The following CTCFL variants were observed in gnomAD, a reference collection of about 807,000 sequenced individuals.
CTCFL encodes the protein transcriptional repressor CTCFL.
A neutral mutation model predicts 67.4 loss-of-function variants in CTCFL; 36 were observed. The observed-to-expected ratio is 0.53, with a 90% CI of 0.41 to 0.71. The LOEUF (loss-of-function observed/expected upper bound fraction) is 0.71, where lower values mean the gene tolerates loss of function less well. Ranked by LOEUF, CTCFL falls within the 30% of genes least tolerant of loss-of-function variation. The pLI is 0.00. For synonymous variants in CTCFL, 324 were observed against 302.3 expected (o/e 1.07, Z -0.75); for missense variants, 786 against 835.2 (o/e 0.94, Z 0.73).
intron 10 of CTCFL, among the ~76,000 whole-genome samples, chr20:57,499,356 T>C (rs1280374884): frequency 6.6e-6 from 1 of 152,152 alleles, no homozygotes; most frequent in African/African-American, 2.4e-5. Context: ...GCCAGGCGTG[T>C]ATCCATAACC....
intron 9 of CTCFL, chr20:57,506,990 A>G: frequency 2.0e-6 from 2 of 984,606 alleles, no homozygotes; most frequent in Non-Finnish European, 2.4e-6. Flanking sequence ...TTAAAAAAAT[A>G]GTCAACTTCA....
rs753116407 is a variant in CTCFL, at chr20:57,519,168, C to T, written c.925+39G>A. The T allele has an allele frequency of 1.8e-5, 28 of 1,598,870 alleles. No homozygotes were observed. In the South Asian group the frequency reaches 2.3e-4, roughly 13 times the overall value. ...CACATTCTTAACATAAGCCTTAACA[C>T]ACATCATTCCAGAGAAACAGCCTTC... On this transcript the variant is annotated intron_variant, in intron 4 of 10. Transcript: ENST00000243914.
At chr20:57,518,406 G>C (rs2069087430) in intron 5 of CTCFL, 2 of 765,768 alleles carry the variant, frequency 2.6e-6, no homozygotes, top group African/African-American at 1.8e-5. Context: ...ATTGAGATTG[G>C]ATCTGCATTC....
At chr20:57,508,577 G>C (rs765522244) in intron 9 of CTCFL, 29 bp downstream of exon 9, 2 of 1,605,462 alleles carry the variant, frequency 1.2e-6, no homozygotes, top group South Asian at 2.2e-5. Context: ...CTTTCCATGG[G>C]GGATTTACTG....
At position 57,519,321 on chromosome 20, in the gene CTCFL, T is replaced by C. The variant is rs1201979229; in HGVS notation, c.811A>G (p.Ser271Gly). ...TGAGTTTTCATATGACGATTAAAAC[T>C]TGACATTCTAGAAGAGGTGAACATG... ...VCMFTSSRMS[S>G]FNRHMKTHTS... The change falls in exon 4 of 11, where the codon AGT becomes GGT. Residue 271 changes from serine (S) to glycine (G), a missense_variant. This residue lies in a region of CTCFL where 254 missense variants were observed against 333.9 expected (regional missense o/e 0.76). Transcript: ENST00000243914. 1.9e-6 allele frequency: 3 copies of C among 1,614,196 alleles called. No individual in the cohort carries two copies. The highest frequency in any genetic ancestry group is 2.2e-5 in the East Asian group (1 of 44,894).
At chr20:57,516,949 G>C (rs2068966636) in intron 5 of CTCFL, among the ~76,000 whole-genome samples, 1 of 152,178 alleles carries the variant, frequency 6.6e-6, no homozygotes, top group Non-Finnish European at 1.5e-5. Flanking sequence ...ACAGACATCA[G>C]GAAGCTGCAT....
chr20:57,498,759 T>C, intron 10 of CTCFL, 58 bp from the exon 11 acceptor site: 1 of 1,488,578 alleles, frequency 6.7e-7, no homozygotes, highest in Non-Finnish European at 9.2e-7. Flanking sequence ...TTGGAATTTA[T>C]AAACTGTGCA....
chr20:57,522,956 C>A, intron 3 of CTCFL, 112 bp downstream of exon 3: 1 of 828,658 alleles, frequency 1.2e-6, no homozygotes, highest in Non-Finnish European at 1.9e-6. Context: ...CATTTCCTGA[C>A]ATTTTGAAAG....
intron 5 of CTCFL, among the ~76,000 whole-genome samples, chr20:57,516,388 T>A (rs976786230): frequency 1.3e-5 from 2 of 151,872 alleles, no homozygotes; most frequent in African/African-American, 4.8e-5. Context: ...AAATTAAAAA[T>A]GAGCTAGGTA....
chr20:57,503,372 C>T, intron 10 of CTCFL, 64 bp downstream of exon 10: 1 of 1,586,168 alleles, frequency 6.3e-7, no homozygotes, highest in Non-Finnish European at 8.6e-7. Context: ...ACACTCGGCA[C>T]CCAGGATAGT....
chr20:57,497,718 C>T lies in CTCFL; in HGVS notation c.*832G>A, dbSNP rs1488948530. 7 of 984,950 alleles carry T rather than the reference C, an allele frequency of 7.1e-6. No individual in the cohort carries two copies. Among genetic ancestry groups the T allele is most frequent in the Non-Finnish European group, 8.4e-6 (7 of 829,722 alleles). 61.0% of individuals were successfully genotyped at this position (984,950 alleles called of 1,614,324 possible). A position where few individuals can be genotyped will look rare whatever the true frequency, so the allele number is the denominator to read the frequency against. On this transcript the variant is annotated 3_prime_UTR_variant, in exon 11 of 11. Transcript: ENST00000243914. ...TGATTTTATGTTTCTTCTCACTCTG[C>T]CAATTATTTTACAAATATAAAAAGA...
chr20:57,523,091 G>A lies in CTCFL; in HGVS notation c.731C>T (p.Thr244Ile), dbSNP rs933760867. The A allele has an allele frequency of 6.2e-7, 1 of 1,613,146 alleles. No homozygotes were observed. Among genetic ancestry groups the A allele is most frequent in the African/African-American group, 1.3e-5 (1 of 74,828 alleles). ...GQADAEKAKS[T>I]KNQRKTKGAK... ...ACCCTTTGTCTTTCTTTGATTTTTT[G>A]TAGATTTGGCCTTTTCAGCATCTGC... is the stretch of plus-strand genomic sequence containing the variant. The change falls in exon 3 of 11, where the codon ACA becomes ATA. Residue 244 changes from threonine (T) to isoleucine (I), a missense_variant. By Grantham distance (89) the Thr-to-Ile change is moderately conservative (BLOSUM62 -1). This residue lies in a region of CTCFL where 333 missense variants were observed against 304.6 expected (regional missense o/e 1.09). Transcript: ENST00000243914.
rs28532211 is a variant in CTCFL at position 57,498,539 on chromosome 20, C to A, written c.*11G>T. On this transcript the variant is annotated 3_prime_UTR_variant, in exon 11 of 11. Coordinates refer to ENST00000243914, the MANE Select transcript of CTCFL (RefSeq NM_001386993.1). The stretch of plus-strand genomic sequence containing the variant: ...GAATTGGGGGCAGTGAACACGCAAC[C>A]CGAATCCCTCTCACTTATCCATCGT... The A allele has an allele frequency of 4.4e-3, 7,094 of 1,608,212 alleles. 285 individuals carry two copies. The African/African-American group carries it at 0.085, about 19-fold the overall frequency.
chr20:57,514,318 A>G (rs926012230), intron 7 of CTCFL, among the ~76,000 whole-genome samples: 1 of 152,178 alleles, frequency 6.6e-6, no homozygotes, highest in Admixed American at 6.5e-5. Context: ...AATAGGCCCA[A>G]TGTGGAATGA....
intron 10 of CTCFL, among the ~76,000 whole-genome samples, chr20:57,503,147 G>GC (rs1555849040): frequency 6.6e-6 from 1 of 152,242 alleles, no homozygotes; most frequent in Non-Finnish European, 1.5e-5. Context: ...GTCATCTATT[G>GC]CAACAGCCCA....
chr20:57,520,425 C>A (rs920422751), intron 3 of CTCFL, among the ~76,000 whole-genome samples: 4 of 152,160 alleles, frequency 2.6e-5, no homozygotes, highest in Non-Finnish European at 5.9e-5. Flanking sequence ...CAAAATCCAT[C>A]CCTCCATAAA....
At chr20:57,515,596 C>A (rs1019644310) in intron 6 of CTCFL, 118 bp downstream of exon 6, 2 of 1,249,740 alleles carry the variant, frequency 1.6e-6, no homozygotes, top group South Asian at 1.2e-5. Context: ...ATCATGAAGG[C>A]ACGCAAAAAT....
At chr20:57,499,084 T>G (rs935552818) in intron 10 of CTCFL, among the ~76,000 whole-genome samples, 16,609 of 75,782 alleles carry the variant, frequency 0.22, 337 homozygotes, top group Non-Finnish European at 0.27. Context: ...GGGGGGGGGG[T>G]GGGGGGGGGA....
At chr20:57,505,556 T>G (rs1006859784) in intron 9 of CTCFL, among the ~76,000 whole-genome samples, 1 of 152,226 alleles carries the variant, frequency 6.6e-6, no homozygotes, top group Non-Finnish European at 1.5e-5. Flanking sequence ...GCGCCCGGCC[T>G]TAAAATTTAT....
Sources: gnomAD v4.1 joint callset for allele counts (sites outside exome capture counted in the v4.1 genomes callset) on GRCh38, gnomAD v4.1.1 for gene constraint, gnomAD v4.1.1 regional missense constraint, MANE v1.5 for transcripts, NCBI Gene and HGNC (gene_info 2026-07-23, HGNC 2026-07-21) for gene names.